The following OPCML variants were observed in gnomAD, a reference collection of about 807,000 sequenced individuals.
OPCML encodes opioid binding protein/cell adhesion molecule like.
OPCML carries 13 observed loss-of-function variants against 37.8 expected under a neutral mutation model. The observed-to-expected ratio is 0.34, with a 90% CI of 0.22 to 0.55. OPCML has a LOEUF of 0.55. OPCML is among the 20% of genes least tolerant of loss of function. The pLI is 0.91. For missense variants in OPCML, 341 were observed against 435.6 expected, an observed-to-expected ratio of 0.78 and a Z score of 1.93; for synonymous variants, 176 against 168.8, an observed-to-expected ratio of 1.04 and a Z score of -0.33.
intron 1 of OPCML, among the ~76,000 whole-genome samples, chr11:132,996,989 T>G (rs751783269): frequency 9.9e-5 from 15 of 152,198 alleles, no homozygotes; most frequent in Non-Finnish European, 1.9e-4. Flanking sequence ...GCTCCCCTTA[T>G]CTGTCTGATT....
intron 1 of OPCML, among the ~76,000 whole-genome samples, chr11:133,168,603 T>C (rs896656581): frequency 6.6e-6 from 1 of 152,116 alleles, no homozygotes; most frequent in African/African-American, 2.4e-5. Context: ...TTATGGTGAG[T>C]TGTTTTGTAG....
chr11:133,186,514 G>A (rs955296439), intron 1 of OPCML, among the ~76,000 whole-genome samples: 2 of 151,726 alleles, frequency 1.3e-5, no homozygotes, highest in East Asian at 1.9e-4. Context: ...AGGCGGGGGC[G>A]GGGGGAAGAG....
At chr11:133,326,605 T>C (rs1943465199) in intron 1 of OPCML, among the ~76,000 whole-genome samples, 1 of 136,914 alleles carries the variant, frequency 7.3e-6, no homozygotes, top group Non-Finnish European at 1.6e-5. Context: ...GTTGTGGGTA[T>C]ATGTGTGTAC....
intron 2 of OPCML, among the ~76,000 whole-genome samples, chr11:132,736,610 G>C (rs770972407): frequency 1.3e-5 from 2 of 152,176 alleles, no homozygotes; most frequent in East Asian, 3.9e-4. Context: ...AAAAGACATT[G>C]AAGTGTCTAC....
At chr11:133,532,168 C>T in intron 1 of OPCML, 96 bp downstream of exon 1, 1 of 1,543,518 alleles carries the variant, frequency 6.5e-7, no homozygotes, top group South Asian at 1.2e-5. Flanking sequence ...TGTCCTCACC[C>T]CTTCCTCCTT....
intron 3 of OPCML, among the ~76,000 whole-genome samples, chr11:132,631,861 G>A (rs1940151852): frequency 6.6e-6 from 1 of 152,118 alleles, no homozygotes; most frequent in African/African-American, 2.4e-5. Flanking sequence ...GACGTATCAT[G>A]GAGTATTTAT....
At chr11:133,458,761 A>G (rs1946780628) in intron 1 of OPCML, among the ~76,000 whole-genome samples, 1 of 144,906 alleles carries the variant, frequency 6.9e-6, no homozygotes, top group Admixed American at 6.7e-5. Flanking sequence ...ATATACACAT[A>G]GATGCACGTG....
intron 1 of OPCML, chr11:133,064,645 T>A (rs1345075460): frequency 2.0e-5 from 3 of 152,034 alleles, no homozygotes; most frequent in Non-Finnish European, 2.9e-5. Flanking sequence ...GATCCGGGAA[T>A]GGGACTTCCG....
intron 3 of OPCML, among the ~76,000 whole-genome samples, chr11:132,645,571 G>T (rs1299155275): frequency 1.3e-5 from 2 of 152,100 alleles, no homozygotes; most frequent in African/African-American, 4.8e-5. Flanking sequence ...TTGTCTTCAA[G>T]GAAATTACAG....
intron 1 of OPCML, among the ~76,000 whole-genome samples, chr11:133,226,356 AGGGG>A (rs1336748934): frequency 2.0e-5 from 3 of 152,202 alleles, no homozygotes; most frequent in Non-Finnish European, 4.4e-5. Context: ...TTGGGGGGTT[AGGGG>A]TGTTCCACTC....
At chr11:132,539,511 TG>T (rs1432129877) in intron 3 of OPCML, among the ~76,000 whole-genome samples, 2 of 146,858 alleles carry the variant, frequency 1.4e-5, no homozygotes, top group African/African-American at 5.4e-5. Context: ...TTTAAAGACA[TG>T]CTGCTGCTGC....
intron 1 of OPCML, among the ~76,000 whole-genome samples, chr11:132,978,056 T>C (rs577626016): frequency 2.4e-4 from 36 of 152,150 alleles, no homozygotes; most frequent in African/African-American, 8.0e-4. Flanking sequence ...AATGGAGGAA[T>C]GGTGTTGAGA....
At chr11:132,799,616 A>G (rs1383087975) in intron 2 of OPCML, among the ~76,000 whole-genome samples, 2 of 152,180 alleles carry the variant, frequency 1.3e-5, no homozygotes, top group Non-Finnish European at 2.9e-5. Context: ...CAAAGTTTGA[A>G]ATATTGTGAG....
intron 1 of OPCML, chr11:133,422,461 G>C: frequency 7.1e-6 from 7 of 979,912 alleles, no homozygotes; most frequent in Non-Finnish European, 7.2e-6. Flanking sequence ...TCTTGGGAGA[G>C]GAAGTCTTAC....
chr11:132,479,880 T>C (rs985037136), intron 4 of OPCML, among the ~76,000 whole-genome samples: 2 of 151,970 alleles, frequency 1.3e-5, no homozygotes, highest in African/African-American at 4.8e-5. Flanking sequence ...TACATCACCA[T>C]CATCAAAGAC....
intron 3 of OPCML, among the ~76,000 whole-genome samples, chr11:132,642,189 A>C (rs963307960): frequency 2.0e-5 from 3 of 152,162 alleles, no homozygotes; most frequent in African/African-American, 7.2e-5. Flanking sequence ...CTCTTAAGGA[A>C]AGCAAAACCT....
intron 3 of OPCML, among the ~76,000 whole-genome samples, chr11:132,587,294 T>C (rs2096474984): frequency 6.6e-6 from 1 of 152,190 alleles, no homozygotes; most frequent in African/African-American, 2.4e-5. Flanking sequence ...TATTAGGTGG[T>C]TTAGGAAGAG....
chr11:133,444,042 AG>A, intron 1 of OPCML, among the ~76,000 whole-genome samples: 1 of 152,284 alleles, frequency 6.6e-6, no homozygotes, highest in South Asian at 2.1e-4. Context: ...GAAGGATTAC[AG>A]CACTGAGATA....
intron 2 of OPCML, among the ~76,000 whole-genome samples, chr11:132,718,296 G>A (rs188961210): frequency 6.6e-6 from 1 of 152,176 alleles, no homozygotes; most frequent in South Asian, 2.1e-4. Context: ...TATGGTATCT[G>A]CAGCTTTTAC....
Sources: allele counts gnomAD v4.1 joint callset (sites outside exome capture counted in the v4.1 genomes callset), GRCh38; gene constraint gnomAD v4.1.1; transcripts MANE v1.5; gene names NCBI Gene and HGNC (gene_info 2026-07-23, HGNC 2026-07-21).